Variants in MGAT4D observed in about 807,000 individuals in gnomAD.
MGAT4D encodes alpha-1,3-mannosyl-glycoprotein 4-beta-N-acetylglucosaminyltransferase-like protein MGAT4D.
In MGAT4D, 34 loss-of-function variants were observed where a neutral mutation model predicts 15.9. The observed-to-expected ratio is 2.14, with a 90% CI of 1.62 to 2.84. The LOEUF is 2.84. MGAT4D is among the 30% of genes most tolerant of loss of function. The pLI, the probability that MGAT4D is intolerant of heterozygous loss-of-function variation, is 0.00. For missense variants in MGAT4D, 327 were observed against 140.2 expected (o/e 2.33, Z -6.73); for synonymous variants, 112 against 48.2 (o/e 2.33, Z -5.49).
intron 1 of MGAT4D, among the ~76,000 whole-genome samples, chr4:140,497,467 A>C (rs1733910259): frequency 6.6e-6 from 1 of 151,762 alleles, no homozygotes; most frequent in Non-Finnish European, 1.5e-5. Flanking sequence ...AATTGAAATT[A>C]AACTGGGCAA....
In MGAT4D at chr4:140,485,810, T is replaced by TAAAAAAAAAAAAA; in HGVS notation, c.95-3338_95-3326dup. 4.2e-3 allele frequency among the ~76,000 whole-genome samples: 55 copies of TAAAAAAAAAAAAA among 13,026 alleles called. 12 individuals carry two copies. Among genetic ancestry groups the TAAAAAAAAAAAAA allele is most frequent in the East Asian group, 0.011 (3 of 280 alleles). 8.5% of individuals were successfully genotyped at this position (13,026 alleles called of 152,430 possible). Reference sequence around the variant, plus strand: ...TGAGCAACAGAGCAAGACCCTGTCTTAAAAAAAAAAAAAAAAAAAAAAAAA... The same window carrying TAAAAAAAAAAAAA: ...TGAGCAACAGAGCAAGACCCTGTCTTAAAAAAAAAAAAAAAAAAAAAAAAAAAAAAAAAAAAAA... On this transcript the variant is annotated intron_variant, in intron 1 of 10. Transcript: ENST00000511113.
intron 7 of MGAT4D, among the ~76,000 whole-genome samples, chr4:140,461,256 C>A (rs1272554930): frequency 6.6e-6 from 1 of 152,050 alleles, no homozygotes; most frequent in East Asian, 1.9e-4. Context: ...TCAAAAGAGA[C>A]CTTTTTTTTC....
Position 140,443,457 on chromosome 4 carries a change from C to CA in MGAT4D, c.1117-14dup. 3.7e-6 allele frequency: 2 copies of CA among 536,912 alleles called. No individual in the cohort carries two copies. Among genetic ancestry groups the CA allele is most frequent in the Admixed American group, 3.1e-5 (1 of 32,398 alleles). The allele number at this position is 536,912 out of a possible 1,614,324, so 33.3% of individuals were successfully genotyped here. A position where few individuals can be genotyped will look rare whatever the true frequency, so the allele number is the denominator to read the frequency against. On this transcript the variant is annotated splice_polypyrimidine_tract_variant and intron_variant, in intron 10 of 10. Transcript: ENST00000511113. ...ATCTTCATATTTTCTGAAATGAAAACAAAAAATGTAACATCTAGAAATAAT... is the reference window on the plus strand; with the variant it reads ...ATCTTCATATTTTCTGAAATGAAAACAAAAAAATGTAACATCTAGAAATAAT...
chr4:140,479,394 A>G (rs771973309), intron 3 of MGAT4D, 96 bp downstream of exon 3: 3 of 372,742 alleles, frequency 8.0e-6, no homozygotes, highest in African/African-American at 4.2e-5. Context: ...CTGCATATCA[A>G]TCTAAGATAA....
intron 4 of MGAT4D, 68 bp downstream of exon 4, chr4:140,474,745 C>A: frequency 2.0e-6 from 1 of 496,182 alleles, no homozygotes; most frequent in Non-Finnish European, 3.6e-6. Context: ...ATGATTATTA[C>A]CATTGAGGAA....
chr4:140,457,997 GAATGGCAAATATATACA>G (rs1352228298), intron 8 of MGAT4D: 17 of 152,104 alleles, frequency 1.1e-4, no homozygotes, highest in African/African-American at 4.1e-4. Context: ...TTTATACTGA[GAATGGCAAATATATACA>G]TATAATAATA....
At position 140,461,942 on chromosome 4, in the gene MGAT4D, T is replaced by C. The variant is rs1731212892; in HGVS notation, c.749A>G (p.Lys250Arg). 1 of 698,198 alleles carries C rather than the reference T, an allele frequency of 1.4e-6. No homozygotes were observed. The highest frequency in any genetic ancestry group is 2.6e-6 in the Non-Finnish European group (1 of 382,918). The allele number at this position is 698,198 out of a possible 1,614,324, so 43.3% of individuals were successfully genotyped here. A position where few individuals can be genotyped will look rare whatever the true frequency, so the allele number is the denominator to read the frequency against. Reference sequence around the variant, plus strand: ...ACAATTTCTGACCTGTAAATAATACTTGGCCTTGGGTTGGGCATACAGCAA... The same window carrying C: ...ACAATTTCTGACCTGTAAATAATACCTGGCCTTGGGTTGGGCATACAGCAA... ...ILLLYAQPKA[K>R]YYLQLEDDII... Residue 250 changes from lysine (K) to arginine (R), a missense_variant, in exon 7 of 11, where the codon AAG becomes AGG. Transcript: ENST00000511113.
chr4:140,494,439 A>G (rs1733705510), intron 1 of MGAT4D, among the ~76,000 whole-genome samples: 2 of 152,198 alleles, frequency 1.3e-5, no homozygotes, highest in African/African-American at 4.8e-5. Context: ...TGAAATACTG[A>G]AATTCCCCAA....
chr4:140,470,806 T>G (rs1357996775), intron 5 of MGAT4D, among the ~76,000 whole-genome samples: 6 of 152,160 alleles, frequency 3.9e-5, no homozygotes, highest in African/African-American at 9.7e-5. Context: ...TTAAATTAAA[T>G]ACCTCTTCGT....
chr4:140,479,795 C>T (rs1732577462), intron 2 of MGAT4D, among the ~76,000 whole-genome samples, 168 bp from the exon 3 acceptor site: 1 of 151,768 alleles, frequency 6.6e-6, no homozygotes, highest in Non-Finnish European at 1.5e-5. Flanking sequence ...CTAAATATAG[C>T]TCAACTATTA....
intron 5 of MGAT4D, among the ~76,000 whole-genome samples, chr4:140,465,415 T>C (rs1731469554): frequency 2.0e-5 from 3 of 152,212 alleles, no homozygotes; most frequent in Admixed American, 1.3e-4. Flanking sequence ...ATGTGGCTCC[T>C]GAAACTAGAT....
intron 5 of MGAT4D, among the ~76,000 whole-genome samples, chr4:140,469,609 TCCAC>T (rs1384980138): frequency 6.6e-6 from 1 of 152,100 alleles, no homozygotes; most frequent in Non-Finnish European, 1.5e-5. Context: ...CCATCCCCAT[TCCAC>T]TTTTTAAAGA....
chr4:140,466,064 CAT>C (rs1475595333), intron 5 of MGAT4D, among the ~76,000 whole-genome samples: 1 of 152,154 alleles, frequency 6.6e-6, no homozygotes, highest in Non-Finnish European at 1.5e-5. Context: ...GACAGCAAAA[CAT>C]GTGGTTGTCT....
At chr4:140,479,208 T>C (rs1732533332) in intron 3 of MGAT4D, among the ~76,000 whole-genome samples, 1 of 152,208 alleles carries the variant, frequency 6.6e-6, no homozygotes. Flanking sequence ...CGAGAAAAGA[T>C]TTGCCAAACA....
chr4:140,470,693 G>A (rs977596276), intron 5 of MGAT4D, among the ~76,000 whole-genome samples: 2 of 152,146 alleles, frequency 1.3e-5, no homozygotes, highest in African/African-American at 2.4e-5. Flanking sequence ...TATCAGGCAT[G>A]ACATTTTCCC....
chr4:140,456,055 T>C (rs1222733690), intron 9 of MGAT4D, among the ~76,000 whole-genome samples: 1 of 152,176 alleles, frequency 6.6e-6, no homozygotes, highest in Non-Finnish European at 1.5e-5. Flanking sequence ...GAGGATCACC[T>C]GAGCCCAGGG....
intron 10 of MGAT4D, among the ~76,000 whole-genome samples, chr4:140,448,800 T>C (rs1730290156): frequency 6.6e-6 from 1 of 152,238 alleles, no homozygotes; most frequent in African/African-American, 2.4e-5. Context: ...GCTGGAGTTC[T>C]TGTGCTGATC....
intron 6 of MGAT4D, 81 bp from the exon 7 acceptor site, chr4:140,462,085 CTT>C (rs1344802483): frequency 1.6e-6 from 1 of 635,720 alleles, no homozygotes; most frequent in African/African-American, 1.8e-5. Context: ...TTAAAAAACT[CTT>C]TGGCAGTTTA....
At position 140,479,553 on chromosome 4, in the gene MGAT4D, GA is replaced by G; in HGVS notation, c.327del (p.Pro110LeufsTer3). 4 of 551,944 alleles carry G rather than the reference GA, an allele frequency of 7.2e-6. No homozygotes were observed. The highest frequency in any genetic ancestry group is 3.3e-5 in the East Asian group (1 of 30,062). 34.2% of individuals were successfully genotyped at this position (551,944 alleles called of 1,614,324 possible). ...ATTCTACCTTCTTTCCTTAGATGAG[GA>G]AAAAAGAACTTTAAGTCTTCAAATG... Reference protein sequence around the residue: ...SNTFEDLKFFFPHLRKEGRIY... With the variant: ...SNTFEDLKFFXPHLRKEGRIY... On this transcript the variant is annotated frameshift_variant, in exon 3 of 11. Transcript: ENST00000511113. LOFTEE classifies it high-confidence loss of function.
Sources: allele counts gnomAD v4.1 joint callset (sites outside exome capture counted in the v4.1 genomes callset), GRCh38; gene constraint gnomAD v4.1.1; transcripts MANE v1.5; gene names NCBI Gene and HGNC (gene_info 2026-07-23, HGNC 2026-07-21).